DMRTC2: variants seen among roughly 807,000 people sequenced by gnomAD.
The protein encoded by DMRTC2 is DMRT like family C2.
DMRTC2 carries 13 observed loss-of-function variants against 39.9 expected under a neutral mutation model. The ratio of observed to expected loss-of-function variants is 0.33; its 90% CI spans 0.21 to 0.52. DMRTC2 has a LOEUF of 0.52. Ranked by LOEUF, DMRTC2 falls within the 20% of genes least tolerant of loss-of-function variation. The pLI is 0.96. For missense variants in DMRTC2, 431 were observed against 472.8 expected, an observed-to-expected ratio of 0.91 and a Z score of 0.82; for synonymous variants, 189 against 185.2, an observed-to-expected ratio of 1.02 and a Z score of -0.17.
Position 41,850,344 on chromosome 19 carries a change from C to G in DMRTC2, c.788C>G (p.Thr263Ser). 1 of 1,519,074 alleles carries G rather than the reference C, an allele frequency of 6.6e-7. No individual in the cohort carries two copies. Among genetic ancestry groups the G allele is most frequent in the South Asian group, 1.3e-5 (1 of 75,014 alleles). The allele number at this position is 1,519,074 out of a possible 1,614,324, so 94.1% of individuals were successfully genotyped here. Residue 263 changes from threonine (T) to serine (S), a missense_variant, in exon 7 of 9, where the codon ACC becomes AGC. Transcript: ENST00000269945. ...ACTCTGATACTCCAGCCCTGTGGCACCCCAGACCCTCTTCAGCTACAGCCA... is the reference window on the plus strand; with the variant it reads ...ACTCTGATACTCCAGCCCTGTGGCAGCCCAGACCCTCTTCAGCTACAGCCA... Reference protein sequence around the residue: ...HSTLILQPCGTPDPLQLQPQA... With the variant: ...HSTLILQPCGSPDPLQLQPQA...
intron 6 of DMRTC2, among the ~76,000 whole-genome samples, chr19:41,849,602 T>G (rs1418051081): frequency 2.6e-5 from 4 of 152,080 alleles, no homozygotes; most frequent in South Asian, 2.1e-4. Context: ...CCTGCTGATA[T>G]GGGGGGCAGA....
Position 41,848,947 on chromosome 19 carries a change from A to G in DMRTC2, c.600A>G (p.Glu200=). The change falls in exon 5 of 9, where the codon GAA becomes GAG. Residue 200 remains glutamate (E), a synonymous_variant. Transcript: ENST00000269945. ...PPVVCRLLYQ[E]PAVSLPPFPG... ...TGGTGTGCCGCCTGCTGTACCAAGA[A>G]CCTGCTGTCTCTCTGCCTCCCTTCC... The G allele has an allele frequency of 6.2e-7, 1 of 1,613,958 alleles. No individual in the cohort carries two copies. Among genetic ancestry groups the G allele is most frequent in the Non-Finnish European group, 8.5e-7 (1 of 1,180,012 alleles).
Position 41,848,788 on chromosome 19 carries a change from C to G in DMRTC2, c.448-7C>G. The G allele has an allele frequency of 6.2e-7, 1 of 1,607,538 alleles. No homozygotes were observed. The highest frequency in any genetic ancestry group is 8.5e-7 in the Non-Finnish European group (1 of 1,179,986). On this transcript the variant is annotated splice_polypyrimidine_tract_variant and splice_region_variant and intron_variant, in intron 4 of 8. Coordinates refer to ENST00000269945, the MANE Select transcript of DMRTC2 (RefSeq NM_001040283.3). Reference sequence around the variant, plus strand: ...CCAACTCCAGCCTGTGCCCTCTGCCCCTGCAGAACTCCTGTGGGCCTCTGC... The same window carrying G: ...CCAACTCCAGCCTGTGCCCTCTGCCGCTGCAGAACTCCTGTGGGCCTCTGC...
At position 41,851,623 on chromosome 19, in the gene DMRTC2, G is replaced by A. The variant is rs993874783; in HGVS notation, c.1031G>A (p.Cys344Tyr). The A allele has an allele frequency of 1.2e-6, 2 of 1,614,176 alleles. No individual in the cohort carries two copies. The highest frequency in any genetic ancestry group is 1.7e-6 in the Non-Finnish European group (2 of 1,180,032). ...GGRGFQPVGP[C>Y]LRPSPAPSVA... The stretch of plus-strand genomic sequence containing the variant: ...AGAGGATTCCAGCCTGTTGGCCCCT[G>A]TCTTCGACCCAGCCCAGCCCCCTCT... The change falls in exon 9 of 9, where the codon TGT (cysteine) becomes TAT (tyrosine). Residue 344 changes from cysteine (C) to tyrosine (Y), a missense_variant. Transcript: ENST00000269945.
Position 41,848,516 on chromosome 19 carries a change from A to AC in DMRTC2, c.441dup (p.Gly148ArgfsTer65), listed in dbSNP as rs782657168. 2 of 1,593,402 alleles carry AC rather than the reference A, an allele frequency of 1.3e-6. No homozygotes were observed. Among genetic ancestry groups the AC allele is most frequent in the Non-Finnish European group, 8.5e-7 (1 of 1,170,258 alleles). On this transcript the variant is annotated frameshift_variant, in exon 4 of 9. Coordinates refer to ENST00000269945, the MANE Select transcript of DMRTC2 (RefSeq NM_001040283.3). LOFTEE classifies it high-confidence loss of function. The stretch of plus-strand genomic sequence containing the variant: ...ATGGGGCAGTCCTGCTGGCACCGAC[A>AC]CCCCCCGGGAAGGTAAGGAGAGGCT...
chr19:41,849,085 ATGACCT>A (rs1555836747), intron 5 of DMRTC2, 39 bp from the exon 6 acceptor site: 1 of 1,612,586 alleles, frequency 6.2e-7, no homozygotes, highest in Admixed American at 1.7e-5. Flanking sequence ...GAAAGAAACT[ATGACCT>A]TGGCCCCTAT....
At chr19:41,846,661 G>A (rs371900893) in intron 1 of DMRTC2, among the ~76,000 whole-genome samples, 164 of 152,134 alleles carry the variant, frequency 1.1e-3, no homozygotes, top group African/African-American at 3.8e-3. Flanking sequence ...TCTGCCTCCC[G>A]GGTTCACGCC....
chr19:41,850,507 G>T lies in DMRTC2; in HGVS notation c.817-19G>T. 6.2e-7 allele frequency: 1 copy of T among 1,600,340 alleles called. No individual in the cohort carries two copies. The highest frequency in any genetic ancestry group is 8.5e-7 in the Non-Finnish European group (1 of 1,173,002). On this transcript the variant is annotated intron_variant, in intron 7 of 8. Coordinates refer to ENST00000269945, the MANE Select transcript of DMRTC2 (RefSeq NM_001040283.3). Reference sequence around the variant, plus strand: ...AGAAGCGGGGGTTCCCAGTCTGCTTGTCTCCCTTTCCCTTGCAGGCCTCTG... The same window carrying T: ...AGAAGCGGGGGTTCCCAGTCTGCTTTTCTCCCTTTCCCTTGCAGGCCTCTG...
rs782008087 is a variant in DMRTC2, at chr19:41,850,354, T to C, written c.798T>C (p.Pro266=). 2 of 1,520,260 alleles carry C rather than the reference T, an allele frequency of 1.3e-6. No homozygotes were observed. The highest frequency in any genetic ancestry group is 2.8e-5 in the African/African-American group (2 of 71,376). 94.2% of individuals were successfully genotyped at this position (1,520,260 alleles called of 1,614,324 possible). A position where few individuals can be genotyped will look rare whatever the true frequency, so the allele number is the denominator to read the frequency against. The change falls in exon 7 of 9, where the codon CCT becomes CCC. Residue 266 remains proline, a synonymous_variant. Transcript: ENST00000269945. ...LILQPCGTPD[P]LQLQPQASGA... The stretch of plus-strand genomic sequence containing the variant: ...TCCAGCCCTGTGGCACCCCAGACCC[T>C]CTTCAGCTACAGCCACAGGTCCTGG...
intron 6 of DMRTC2, 93 bp downstream of exon 6, chr19:41,849,349 T>C (rs1457844078): frequency 5.2e-6 from 8 of 1,528,032 alleles, no homozygotes; most frequent in Non-Finnish European, 7.0e-6. Context: ...ATAATGAAGA[T>C]GAAAAGGTCT....
At chr19:41,847,683 T>C in intron 2 of DMRTC2, 31 bp downstream of exon 2, 1 of 1,613,774 alleles carries the variant, frequency 6.2e-7, no homozygotes, top group Non-Finnish European at 8.5e-7. Context: ...GGGAGGAGGA[T>C]GAGCCTCCTC....
In DMRTC2 at chr19:41,851,847, A is replaced by G; in HGVS notation, c.*151A>G. The G allele has an allele frequency of 2.9e-6, 2 of 679,900 alleles. No homozygotes were observed. Among genetic ancestry groups the G allele is most frequent in the South Asian group, 3.9e-5 (2 of 51,192 alleles). The allele number at this position is 679,900 out of a possible 1,614,324, so 42.1% of individuals were successfully genotyped here. ...GTTTGTTTGTTTGTTTGTTTGTTTA[A>G]GCTTTCAGGTGCTTCATTAGCTTTC... is the stretch of plus-strand genomic sequence containing the variant. On this transcript the variant is annotated 3_prime_UTR_variant, in exon 9 of 9. Coordinates refer to ENST00000269945, the MANE Select transcript of DMRTC2 (RefSeq NM_001040283.3).
chr19:41,849,882 C>A (rs782194682), intron 6 of DMRTC2, among the ~76,000 whole-genome samples: 8 of 152,090 alleles, frequency 5.3e-5, no homozygotes, highest in Non-Finnish European at 1.0e-4. Flanking sequence ...GAGTTTGAGA[C>A]CACCTGAGTA....
In DMRTC2 at chr19:41,849,242, TA is replaced by T; in HGVS notation, c.742del (p.Ser248AlafsTer9). On this transcript the variant is annotated frameshift_variant, in exon 6 of 9. Transcript: ENST00000269945. LOFTEE classifies it high-confidence loss of function. ...PLSGEPQGPP[S>X]QPRTHSTLIL... ...TTTCTGGAGAGCCCCAAGGGCCCCC[TA>T]GCCAGCCCCGCACGTGAGTAGGGAG... The T allele has an allele frequency of 6.2e-7, 1 of 1,613,900 alleles. No individual in the cohort carries two copies. Among genetic ancestry groups the T allele is most frequent in the Non-Finnish European group, 8.5e-7 (1 of 1,179,890 alleles).
chr19:41,848,385 T>C, intron 3 of DMRTC2, 67 bp from the exon 4 acceptor site: 1 of 1,365,800 alleles, frequency 7.3e-7, no homozygotes, highest in Non-Finnish European at 1.0e-6. Context: ...ATGAGAACTG[T>C]CTGGGGTTGG....
In DMRTC2 at chr19:41,847,665, T is replaced by C; in HGVS notation, c.224+13T>C. On this transcript the variant is annotated intron_variant, in intron 2 of 8. Coordinates refer to ENST00000269945, the MANE Select transcript of DMRTC2 (RefSeq NM_001040283.3). ...GTGTCCTCATCCTGTGAGTATGAGG[T>C]CTGGGAGGGGAGGAGGATGAGCCTC... 1 of 1,613,826 alleles carries C rather than the reference T, an allele frequency of 6.2e-7. No homozygotes were observed. Among genetic ancestry groups the C allele is most frequent in the Non-Finnish European group, 8.5e-7 (1 of 1,179,810 alleles).
intron 6 of DMRTC2, among the ~76,000 whole-genome samples, chr19:41,849,934 A>G (rs1035632780): frequency 8.5e-5 from 13 of 152,158 alleles, no homozygotes; most frequent in African/African-American, 3.1e-4. Flanking sequence ...TAAAACAGCC[A>G]GGAATGGTGG....
intron 4 of DMRTC2, 68 bp downstream of exon 4, chr19:41,848,596 G>A: frequency 2.2e-6 from 3 of 1,370,394 alleles, no homozygotes; most frequent in East Asian, 2.4e-5. Context: ...TTTCTTCTGT[G>A]CCCTCAACAC....
chr19:41,848,633 G>A, intron 4 of DMRTC2, 105 bp downstream of exon 4: 1 of 1,410,148 alleles, frequency 7.1e-7, no homozygotes, highest in Non-Finnish European at 9.9e-7. Flanking sequence ...GCCCTGGTTT[G>A]CTATGTAATC....
Sources: gnomAD v4.1 joint callset for allele counts (sites outside exome capture counted in the v4.1 genomes callset) on GRCh38, gnomAD v4.1.1 for gene constraint, MANE v1.5 for transcripts, NCBI Gene and HGNC (gene_info 2026-07-23, HGNC 2026-07-21) for gene names.